The following KCMF1 variants were observed in gnomAD, a reference collection of about 807,000 sequenced individuals.
The protein encoded by KCMF1 is potassium channel modulatory factor 1, also known as E3 ubiquitin-protein ligase KCMF1.
In KCMF1, 3 loss-of-function variants were observed where a neutral mutation model predicts 41.1. The ratio of observed to expected loss-of-function variants is 0.07; its 90% CI spans 0.03 to 0.19. The LOEUF (loss-of-function observed/expected upper bound fraction) is 0.19. KCMF1 is among the 10% of genes least tolerant of loss of function. KCMF1 has a pLI of 1.00. For synonymous variants in KCMF1, 142 were observed against 164.5 expected (o/e 0.86, Z 1.04); for missense variants, 286 against 488.9 (o/e 0.58, Z 3.91).
chr2:85,008,305 A>ATCATATATAATATATC (rs1674536506), intron 1 of KCMF1, among the ~76,000 whole-genome samples: 4 of 9,026 alleles, frequency 4.4e-4, no homozygotes, highest in African/African-American at 1.0e-3. Context: ...TATAATATAT[A>ATCATATATAATATATC]ATATGATATA....
intron 1 of KCMF1, among the ~76,000 whole-genome samples, chr2:85,010,765 T>C (rs1322658447): frequency 6.6e-6 from 1 of 152,178 alleles, no homozygotes; most frequent in Non-Finnish European, 1.5e-5. Flanking sequence ...TTTTTCTGCT[T>C]CCTTCTTCTG....
chr2:84,990,670 A>G (rs1393253996), intron 1 of KCMF1, among the ~76,000 whole-genome samples: 3 of 151,912 alleles, frequency 2.0e-5, no homozygotes, highest in African/African-American at 7.3e-5. Context: ...AAAAAATTGC[A>G]TAACCTTGGA....
chr2:85,029,004 CTG>C, intron 2 of KCMF1, among the ~76,000 whole-genome samples: 1 of 152,226 alleles, frequency 6.6e-6, no homozygotes, highest in East Asian at 1.9e-4. Flanking sequence ...GAGTCTCACT[CTG>C]TCGCCCACGC....
intron 1 of KCMF1, among the ~76,000 whole-genome samples, chr2:84,997,376 C>T (rs1674203092): frequency 6.6e-6 from 1 of 152,136 alleles, no homozygotes; most frequent in Non-Finnish European, 1.5e-5. Context: ...CTCTGCCTTT[C>T]CTTTTTGCTT....
At chr2:85,052,493 T>A (rs1304110563) in intron 6 of KCMF1, among the ~76,000 whole-genome samples, 2 of 152,206 alleles carry the variant, frequency 1.3e-5, no homozygotes, top group African/African-American at 4.8e-5. Flanking sequence ...TTGTCTAGTC[T>A]CTGTGCAGAT....
chr2:84,982,389 C>CTTTTTTTTTTTTTTTTTTTTT (rs34687477), intron 1 of KCMF1, among the ~76,000 whole-genome samples: 5 of 47,254 alleles, frequency 1.1e-4, no homozygotes, highest in African/African-American at 4.5e-4. Flanking sequence ...TCCTTATTTT[C>CTTTTTTTTTTTTTTTTTTTTT]TTTTTTTTTT....
In KCMF1 at chr2:84,975,821, G is replaced by A. The variant is rs1422751082; in HGVS notation, c.16+4354G>A. Among the ~76,000 whole-genome samples the A allele has an allele frequency of 3.9e-5, 6 of 152,236 alleles. No individual in the cohort carries two copies. The East Asian group carries it at 9.6e-4, about 24-fold the overall frequency. On this transcript the variant is annotated intron_variant, in intron 1 of 6. Coordinates refer to ENST00000409785, the MANE Select transcript of KCMF1 (RefSeq NM_020122.5). ...TTTAAAGCTTTCCAAATAAAAAAAAGCAACTTAACAAATTGCTCGCTGCTT... is the reference window on the plus strand; with the variant it reads ...TTTAAAGCTTTCCAAATAAAAAAAAACAACTTAACAAATTGCTCGCTGCTT...
At chr2:84,988,729 A>G (rs371997442) in intron 1 of KCMF1, among the ~76,000 whole-genome samples, 26 of 152,354 alleles carry the variant, frequency 1.7e-4, no homozygotes, top group African/African-American at 6.3e-4. Flanking sequence ...AGAGAAAGCC[A>G]GGATTTTTAA....
chr2:85,043,651 G>A lies in KCMF1; in HGVS notation c.412G>A (p.Ala138Thr). The A allele has an allele frequency of 1.9e-6, 3 of 1,600,816 alleles. No individual in the cohort carries two copies. The Admixed American group carries it at 5.0e-5, about 27-fold the overall frequency. ...FAAHLTLEHRAPRDLDESSGV... is the reference protein window; with the variant it reads ...FAAHLTLEHRTPRDLDESSGV... ...AGCTCATCTTACACTTGAACACAGA[G>A]CCCCTAGAGATTTAATATCCTTTTA... is the stretch of plus-strand genomic sequence containing the variant. The change falls in exon 4 of 7, where the codon GCC becomes ACC. Residue 138 changes from alanine (A) to threonine (T), a missense_variant. Ala to Thr is a moderately conservative substitution (Grantham distance 58, BLOSUM62 0). Coordinates refer to ENST00000409785, the MANE Select transcript of KCMF1 (RefSeq NM_020122.5).
intron 1 of KCMF1, among the ~76,000 whole-genome samples, chr2:85,015,232 C>T (rs1674742721): frequency 6.7e-6 from 1 of 150,002 alleles, no homozygotes; most frequent in Non-Finnish European, 1.5e-5. Context: ...TTTTTGAGCT[C>T]TTATCTAATT....
intron 3 of KCMF1, among the ~76,000 whole-genome samples, chr2:85,040,468 C>A (rs183680529): frequency 6.6e-5 from 10 of 152,284 alleles, no homozygotes; most frequent in Admixed American, 2.0e-4. Context: ...CACTCCCCAC[C>A]ACCTCTTTTC....
At chr2:85,045,848 A>G (rs893704775) in intron 4 of KCMF1, among the ~76,000 whole-genome samples, 1 of 152,194 alleles carries the variant, frequency 6.6e-6, no homozygotes, top group African/African-American at 2.4e-5. Context: ...TTGAGATTTC[A>G]TGAGCTATAT....
intron 1 of KCMF1, among the ~76,000 whole-genome samples, chr2:85,015,763 C>CT (rs1292631205): frequency 6.6e-6 from 1 of 152,198 alleles, no homozygotes; most frequent in Non-Finnish European, 1.5e-5. Context: ...TTTTATCACA[C>CT]TTTCCACCTA....
chr2:84,983,504 G>GT (rs200226032), intron 1 of KCMF1, among the ~76,000 whole-genome samples: 1,591 of 151,382 alleles, frequency 0.011, 19 homozygotes, highest in African/African-American at 0.036. Flanking sequence ...CTTTTGTTTT[G>GT]TTTTTTTTGC....
At chr2:85,008,312 T>TA (rs1674538097) in intron 1 of KCMF1, among the ~76,000 whole-genome samples, 7 of 18,130 alleles carry the variant, frequency 3.9e-4, no homozygotes, top group East Asian at 4.7e-3. Flanking sequence ...TATAATATGA[T>TA]ATATATATCA....
At chr2:85,049,159 AT>A (rs1277045884) in intron 5 of KCMF1, among the ~76,000 whole-genome samples, 1 of 152,248 alleles carries the variant, frequency 6.6e-6, no homozygotes, top group Non-Finnish European at 1.5e-5. Flanking sequence ...GTCTGGGTTA[AT>A]ATTCGTATGC....
intron 1 of KCMF1, among the ~76,000 whole-genome samples, chr2:84,988,545 A>G (rs1358665964): frequency 2.0e-5 from 3 of 152,220 alleles, no homozygotes; most frequent in South Asian, 4.1e-4. Flanking sequence ...TTGGGTTCTT[A>G]ACATTAAGCT....
In KCMF1 at chr2:85,056,237, G is replaced by GT. The variant is rs1223808574; in HGVS notation, c.*2829dup. 4 of 151,980 alleles carry GT rather than the reference G, an allele frequency of 2.6e-5. No individual in the cohort carries two copies. Among genetic ancestry groups the GT allele is most frequent in the Admixed American group, 1.3e-4 (2 of 15,252 alleles). The allele number at this position is 151,980 out of a possible 1,614,324, so 9.4% of individuals were successfully genotyped here. A position where few individuals can be genotyped will look rare whatever the true frequency, so the allele number is the denominator to read the frequency against. On this transcript the variant is annotated 3_prime_UTR_variant, in exon 7 of 7. Transcript: ENST00000409785. Reference sequence around the variant, plus strand: ...TCCCTGTGGCCCCCAGAGAAATGAAGTAGGATAGCAGATTACACTATTAGA... The same window carrying GT: ...TCCCTGTGGCCCCCAGAGAAATGAAGTTAGGATAGCAGATTACACTATTAGA...
chr2:85,053,068 T>C (rs1287489671), intron 6 of KCMF1, 80 bp from the exon 7 acceptor site: 1 of 1,311,754 alleles, frequency 7.6e-7, no homozygotes, highest in Non-Finnish European at 1.0e-6. Flanking sequence ...AACTTCACAG[T>C]GGAGAGCACT....
Sources: allele counts gnomAD v4.1 joint callset (sites outside exome capture counted in the v4.1 genomes callset), GRCh38; gene constraint gnomAD v4.1.1; transcripts MANE v1.5; gene names NCBI Gene and HGNC (gene_info 2026-07-23, HGNC 2026-07-21).